Variants in SPEG observed in about 807,000 individuals in gnomAD.
SPEG encodes striated muscle preferentially expressed protein kinase.
In SPEG, 114 loss-of-function variants were observed where a neutral mutation model predicts 300.4. That is an observed-to-expected ratio of 0.38 (90% CI 0.33 to 0.44). The LOEUF (loss-of-function observed/expected upper bound fraction) is 0.44, where lower values mean the gene tolerates loss of function less well. Among genes scored for constraint, SPEG ranks in the 20% least tolerant of loss-of-function variants. The pLI is 1.00. For synonymous variants in SPEG, 1,964 were observed against 2,018.9 expected, an observed-to-expected ratio of 0.97 and a Z score of 0.73; for missense variants, 4,201 against 4,586.2, an observed-to-expected ratio of 0.92 and a Z score of 2.43.
chr2:219,477,156 A>G lies in SPEG; in HGVS notation c.4561-121A>G. The G allele has an allele frequency of 9.7e-7, 1 of 1,036,110 alleles. No homozygotes were observed. 64.2% of individuals were successfully genotyped at this position (1,036,110 alleles called of 1,614,324 possible). On this transcript the variant is annotated intron_variant, in intron 19 of 40. Coordinates refer to ENST00000312358, the MANE Select transcript of SPEG (RefSeq NM_005876.5). The surrounding 1 kb of genome is among the most constrained non-coding windows in gnomAD (Gnocchi z 6.4). ...GGGTGCAGGGCTTTCTGTGGGAGATAAGGGAGGAGCTGACTCTGGGTCCTG... is the reference window on the plus strand; with the variant it reads ...GGGTGCAGGGCTTTCTGTGGGAGATGAGGGAGGAGCTGACTCTGGGTCCTG...
chr2:219,445,312 C>A lies in SPEG; in HGVS notation c.815+151C>A. On this transcript the variant is annotated intron_variant, in intron 3 of 40. Coordinates refer to ENST00000312358, the MANE Select transcript of SPEG (RefSeq NM_005876.5). This position sits in a 1 kb window ranked among gnomAD's most constrained non-coding sequence, Gnocchi z 6.1. ...CCCCTGCTGCCACTCCATCTTCCCA[C>A]ACTGCTCCCTCCTCCTCCTGAGCCA... 1 of 793,824 alleles carries A rather than the reference C, an allele frequency of 1.3e-6. No individual in the cohort carries two copies. Among genetic ancestry groups the A allele is most frequent in the Non-Finnish European group, 2.1e-6 (1 of 481,026 alleles). The allele number at this position is 793,824 out of a possible 1,614,324, so 49.2% of individuals were successfully genotyped here.
chr2:219,460,220 C>A, intron 6 of SPEG: 1 of 784,996 alleles, frequency 1.3e-6, no homozygotes, highest in Non-Finnish European at 1.5e-6. Flanking sequence ...GATGAGGGGG[C>A]AGAGGTGGGA....
In SPEG at chr2:219,448,850, G is replaced by T. The variant is rs1689519006; in HGVS notation, c.1692G>T (p.Pro564=). 7.1e-7 allele frequency: 1 copy of T among 1,401,764 alleles called. No homozygotes were observed. The highest frequency in any genetic ancestry group is 1.6e-5 in the South Asian group (1 of 63,816). 86.8% of individuals were successfully genotyped at this position (1,401,764 alleles called of 1,614,324 possible). ...CCTCTCCGAGCAGCGCGGAGAAGCC[G>T]GGGGACGAGCCTGGGAGGCCCAGGA... ...QPPSPSSAEK[P]GDEPGRPRSR... is the part of the protein sequence containing the mutation. The change falls in exon 4 of 41, where the codon CCG becomes CCT. Residue 564 remains proline, a synonymous_variant. Coordinates refer to ENST00000312358, the MANE Select transcript of SPEG (RefSeq NM_005876.5).
intron 10 of SPEG, among the ~76,000 whole-genome samples, chr2:219,467,935 C>G (rs945706036): frequency 6.6e-6 from 1 of 152,242 alleles, no homozygotes; most frequent in Non-Finnish European, 1.5e-5. Context: ...CTAATAAATG[C>G]CAGCCATTGT....
At chr2:219,471,265 T>C (rs1053871779) in intron 13 of SPEG, among the ~76,000 whole-genome samples, 1 of 152,142 alleles carries the variant, frequency 6.6e-6, no homozygotes, top group African/African-American at 2.4e-5. Flanking sequence ...AGGAATGTTG[T>C]GAGCAATGAC....
chr2:219,450,932 C>T, intron 4 of SPEG: 1 of 557,374 alleles, frequency 1.8e-6, no homozygotes, highest in Non-Finnish European at 3.1e-6. Flanking sequence ...GCTGCCCTGA[C>T]CTGTTTCGAG....
At position 219,493,319 on chromosome 2, in the gene SPEG, G is replaced by A. The variant is rs1249615359; in HGVS notation, c.*533G>A. On this transcript the variant is annotated 3_prime_UTR_variant, in exon 41 of 41. Transcript: ENST00000312358. ...CAGAGGGAGAAGAGAGGACTCAGGTGGAGGTGGGGTGGGTCAGCTGTCAGC... is the reference window on the plus strand; with the variant it reads ...CAGAGGGAGAAGAGAGGACTCAGGTAGAGGTGGGGTGGGTCAGCTGTCAGC... 2.0e-5 allele frequency: 7 copies of A among 356,920 alleles called. No individual in the cohort carries two copies. The highest frequency in any genetic ancestry group is 3.9e-5 in the Non-Finnish European group (7 of 180,906). The allele number at this position is 356,920 out of a possible 1,614,324, so 22.1% of individuals were successfully genotyped here. A position where few individuals can be genotyped will look rare whatever the true frequency, so the allele number is the denominator to read the frequency against.
At position 219,485,448 on chromosome 2, in the gene SPEG, T is replaced by C. The variant is rs1693313200; in HGVS notation, c.7712T>C (p.Leu2571Ser). The change falls in exon 31 of 41, where the codon TTG becomes TCG. Residue 2571 changes from leucine (L) to serine (S), a missense_variant. Physicochemically the swap from Leu to Ser is moderately radical, Grantham distance 145 (BLOSUM62 -2). This residue lies in a region of SPEG where 1,578 missense variants were observed against 1,506.0 expected (regional missense o/e 1.05). Coordinates refer to ENST00000312358, the MANE Select transcript of SPEG (RefSeq NM_005876.5). ...CTCTCTGCCAGCGTCCAGGAGGAGTTGGGTCACCAGTACGTGCGCAGTGAG... is the reference window on the plus strand; with the variant it reads ...CTCTCTGCCAGCGTCCAGGAGGAGTCGGGTCACCAGTACGTGCGCAGTGAG... ...PNLSASVQEE[L>S]GHQYVRSESD... is the part of the protein sequence containing the mutation. 3.1e-6 allele frequency: 5 copies of C among 1,600,388 alleles called. No homozygotes were observed. Among genetic ancestry groups the C allele is most frequent in the Non-Finnish European group, 4.3e-6 (5 of 1,172,928 alleles).
At chr2:219,449,517 T>G (rs1187696798) in intron 4 of SPEG, among the ~76,000 whole-genome samples, 1 of 152,048 alleles carries the variant, frequency 6.6e-6, no homozygotes, top group Non-Finnish European at 1.5e-5. Flanking sequence ...GGAGGCTAGG[T>G]GAGGCTGAGA....
intron 13 of SPEG, among the ~76,000 whole-genome samples, chr2:219,471,151 T>C (rs1017674182): frequency 4.7e-5 from 7 of 150,330 alleles, no homozygotes; most frequent in Non-Finnish European, 8.9e-5. Context: ...GGATGAGGGG[T>C]AGAGAGCGGG....
intron 4 of SPEG, among the ~76,000 whole-genome samples, chr2:219,450,419 T>C (rs535521474): frequency 1.1e-4 from 16 of 152,340 alleles, no homozygotes; most frequent in Non-Finnish European, 1.8e-4. Flanking sequence ...CATTGTCCTT[T>C]ATCTAGCTTA....
chr2:219,451,578 G>A lies in SPEG; in HGVS notation c.2258-47G>A, dbSNP rs780209015. ...TGGGGTAGGAGTAGAGATTCTCAGT[G>A]GGCGCCTGTGGGCCGTGGCGAGCCG... On this transcript the variant is annotated intron_variant, in intron 5 of 40. Transcript: ENST00000312358. The surrounding 1 kb of genome is among the most constrained non-coding windows in gnomAD (Gnocchi z 6.4). 2 of 1,452,828 alleles carry A rather than the reference G, an allele frequency of 1.4e-6. No homozygotes were observed. Among genetic ancestry groups the A allele is most frequent in the Non-Finnish European group, 9.1e-7 (1 of 1,100,790 alleles). The allele number at this position is 1,452,828 out of a possible 1,614,324, so 90.0% of individuals were successfully genotyped here. A position where few individuals can be genotyped will look rare whatever the true frequency, so the allele number is the denominator to read the frequency against.
chr2:219,448,948 C>A lies in SPEG; in HGVS notation c.1790C>A (p.Pro597Gln). Residue 597 changes from proline to glutamine, a missense_variant, in exon 4 of 41, where the codon CCG becomes CAG. This residue lies in a region of SPEG where 1,258 missense variants were observed against 1,293.9 expected (regional missense o/e 0.97). Coordinates refer to ENST00000312358, the MANE Select transcript of SPEG (RefSeq NM_005876.5). ...QQEVRRRDQF[P>Q]LTRSRAIQEC... ...GAGGTTAGGCGTCGGGACCAATTCC[C>A]GCTGACCCGGAGCAGAGCCATCCAG... 6.6e-7 allele frequency: 1 copy of A among 1,504,264 alleles called. No homozygotes were observed. Among genetic ancestry groups the A allele is most frequent in the Non-Finnish European group, 8.8e-7 (1 of 1,130,594 alleles). The allele number at this position is 1,504,264 out of a possible 1,614,324, so 93.2% of individuals were successfully genotyped here. A position where few individuals can be genotyped will look rare whatever the true frequency, so the allele number is the denominator to read the frequency against.
intron 13 of SPEG, among the ~76,000 whole-genome samples, chr2:219,470,567 T>C (rs1306965499): frequency 6.6e-6 from 1 of 152,146 alleles, no homozygotes; most frequent in African/African-American, 2.4e-5. Context: ...ATAAATAGTG[T>C]CAGCAGAGAT....
intron 11 of SPEG, 22 bp downstream of exon 11, chr2:219,468,758 T>A (rs1350229359): frequency 6.2e-7 from 1 of 1,612,654 alleles, no homozygotes; most frequent in Non-Finnish European, 8.5e-7. Context: ...GTGCTGCAGG[T>A]GTTGAGGGCC....
At chr2:219,465,229 G>A (rs1327382376) in intron 9 of SPEG, 3 of 152,608 alleles carry the variant, frequency 2.0e-5, no homozygotes, top group Non-Finnish European at 4.4e-5. Context: ...CCCTGGCTAG[G>A]GGGCCCTCGA....
At position 219,489,818 on chromosome 2, in the gene SPEG, C is replaced by G; in HGVS notation, c.8800C>G (p.Pro2934Ala). 1 of 1,613,608 alleles carries G rather than the reference C, an allele frequency of 6.2e-7. No individual in the cohort carries two copies. Among genetic ancestry groups the G allele is most frequent in the South Asian group, 1.1e-5 (1 of 91,080 alleles). Residue 2934 changes from proline to alanine, a missense_variant, in exon 36 of 41, where the codon CCG becomes GCG. Pro to Ala is a conservative substitution (Grantham distance 27, BLOSUM62 -1). Coordinates refer to ENST00000312358, the MANE Select transcript of SPEG (RefSeq NM_005876.5). ...PTKVTVQSLSPAKEVVSSPGS... is the reference protein window; with the variant it reads ...PTKVTVQSLSAAKEVVSSPGS... ...CAAGGTGACTGTGCAGAGCCTCAGC[C>G]CGGCCAAGGAGGTGGTCAGCTCCCC...
Position 219,485,412 on chromosome 2 carries a change from C to T in SPEG, c.7676C>T (p.Ser2559Leu), listed in dbSNP as rs375369894. 3.7e-6 allele frequency: 6 copies of T among 1,607,418 alleles called. No homozygotes were observed. Among genetic ancestry groups the T allele is most frequent in the Admixed American group, 1.7e-5 (1 of 59,162 alleles). ...CGGCCGCGGAAGGACAAGGGGTTATCGCCACCAAACCTCTCTGCCAGCGTC... is the reference window on the plus strand; with the variant it reads ...CGGCCGCGGAAGGACAAGGGGTTATTGCCACCAAACCTCTCTGCCAGCGTC... ...FSRPRKDKGL[S>L]PPNLSASVQE... The change falls in exon 31 of 41, where the codon TCG becomes TTG. Residue 2559 changes from serine (S) to leucine (L), a missense_variant. Physicochemically the swap from Ser to Leu is moderately radical, Grantham distance 145. This residue lies in a region of SPEG where 1,578 missense variants were observed against 1,506.0 expected (regional missense o/e 1.05). Transcript: ENST00000312358.
At chr2:219,482,473 C>G in intron 28 of SPEG, 1 of 337,498 alleles carries the variant, frequency 3.0e-6, no homozygotes, top group South Asian at 6.2e-5. Flanking sequence ...GATCACAGGC[C>G]TCCCAGGGCA....
Sources: allele counts gnomAD v4.1 joint callset (sites outside exome capture counted in the v4.1 genomes callset), GRCh38; gene constraint gnomAD v4.1.1; regional missense constraint gnomAD v4.1.1; non-coding constraint Gnocchi (gnomAD v3.1); transcripts MANE v1.5; gene names NCBI Gene and HGNC (gene_info 2026-07-23, HGNC 2026-07-21).